The following PLGRKT variants were observed in gnomAD, a reference collection of about 807,000 sequenced individuals.
PLGRKT encodes plasminogen receptor (KT).
In PLGRKT, 22 loss-of-function variants were observed where a neutral mutation model predicts 18.5. The ratio of observed to expected loss-of-function variants is 1.19; its 90% CI spans 0.85 to 1.70. The LOEUF (loss-of-function observed/expected upper bound fraction) is 1.70, where lower values mean the gene tolerates loss of function less well. Among genes scored for constraint, PLGRKT ranks in the 40% most tolerant of loss-of-function variants. PLGRKT has a pLI of 0.00. For missense variants in PLGRKT, 235 were observed against 174.4 expected, an observed-to-expected ratio of 1.35 and a Z score of -1.96; for synonymous variants, 72 against 52.8, an observed-to-expected ratio of 1.36 and a Z score of -1.58.
In PLGRKT at chr9:5,418,690, C is replaced by T; in HGVS notation, c.81+13207G>A. 3 of 664,562 alleles carry T rather than the reference C, an allele frequency of 4.5e-6. No homozygotes were observed. The highest frequency in any genetic ancestry group is 2.5e-4 in the Middle Eastern group (1 of 3,942). The allele number at this position is 664,562 out of a possible 1,614,324, so 41.2% of individuals were successfully genotyped here. A position where few individuals can be genotyped will look rare whatever the true frequency, so the allele number is the denominator to read the frequency against. On this transcript the variant is annotated intron_variant, in intron 3 of 5. Transcript: ENST00000223864. This position sits in a 1 kb window ranked among gnomAD's most constrained non-coding sequence, Gnocchi z 4.2. Reference sequence around the variant, plus strand: ...GGGCAGGGGCAGCATGTAGCACCCACTGCCGGGAAGTCTGATGAAGACCGG... The same window carrying T: ...GGGCAGGGGCAGCATGTAGCACCCATTGCCGGGAAGTCTGATGAAGACCGG...
At chr9:5,375,260 C>A (rs367653815) in intron 3 of PLGRKT, among the ~76,000 whole-genome samples, 2 of 152,194 alleles carry the variant, frequency 1.3e-5, no homozygotes, top group South Asian at 2.1e-4. Context: ...TATTGACATG[C>A]GAGCTAAGAT....
At chr9:5,395,656 C>G (rs1818030349) in intron 3 of PLGRKT, among the ~76,000 whole-genome samples, 1 of 151,848 alleles carries the variant, frequency 6.6e-6, no homozygotes, top group Non-Finnish European at 1.5e-5. Context: ...ACTACTTGAT[C>G]TGGCATTTTC....
At chr9:5,395,557 A>G (rs1418217846) in intron 3 of PLGRKT, among the ~76,000 whole-genome samples, 1 of 151,966 alleles carries the variant, frequency 6.6e-6, no homozygotes, top group African/African-American at 2.4e-5. Flanking sequence ...CTCATGTAGC[A>G]GAAAGTAATA....
intron 3 of PLGRKT, among the ~76,000 whole-genome samples, chr9:5,389,718 A>C (rs1410617827): frequency 6.6e-6 from 1 of 151,934 alleles, no homozygotes; most frequent in Non-Finnish European, 1.5e-5. Flanking sequence ...AAATAAGTTC[A>C]TGAAGAAAAC....
rs1020002685 is a variant in PLGRKT at position 5,392,811 on chromosome 9, G to T, written c.82-30923C>A. Among the ~76,000 whole-genome samples the T allele has an allele frequency of 7.3e-5, 11 of 151,442 alleles. 2 individuals carry two copies. The highest frequency in any genetic ancestry group is 2.7e-4 in the African/African-American group (11 of 41,004). ...GCCCCTTTATTTAAATTTCCGGATT[G>T]ATTTTTATTTATTTACTTTATTTCA... On this transcript the variant is annotated intron_variant, in intron 3 of 5. Coordinates refer to ENST00000223864, the MANE Select transcript of PLGRKT (RefSeq NM_018465.4).
At chr9:5,432,598 G>C (rs937184181) in intron 2 of PLGRKT, among the ~76,000 whole-genome samples, 9 of 148,564 alleles carry the variant, frequency 6.1e-5, no homozygotes, top group African/African-American at 2.2e-4. Context: ...CTCTGGCTCC[G>C]GTGATTCTCC....
intron 2 of PLGRKT, among the ~76,000 whole-genome samples, chr9:5,433,053 G>A (rs555053838): frequency 6.6e-6 from 1 of 151,214 alleles, no homozygotes; most frequent in African/African-American, 2.4e-5. Flanking sequence ...GATGTGAGGA[G>A]GGCCTCTGCC....
Position 5,361,619 on chromosome 9 carries a change from G to T in PLGRKT, c.212+139C>A, listed in dbSNP as rs139452145. The T allele has an allele frequency of 3.2e-4, 233 of 726,574 alleles. 1 individual carries two copies. In the African/African-American group the frequency reaches 4.0e-3, roughly 13 times the overall value. 45.0% of individuals were successfully genotyped at this position (726,574 alleles called of 1,614,324 possible). ...CTTGCTTTCACAGAGTTACCCCCAA[G>T]GACTAAGGTTAATAGGTTACTTTGG... On this transcript the variant is annotated intron_variant, in intron 4 of 5. Coordinates refer to ENST00000223864, the MANE Select transcript of PLGRKT (RefSeq NM_018465.4).
chr9:5,414,688 G>T (rs1463947279), intron 3 of PLGRKT, among the ~76,000 whole-genome samples: 3 of 152,140 alleles, frequency 2.0e-5, no homozygotes, highest in Non-Finnish European at 4.4e-5. Context: ...AAGACAAAAG[G>T]AACATGCAAA....
chr9:5,419,978 C>T (rs1234518710), intron 3 of PLGRKT, among the ~76,000 whole-genome samples: 1 of 152,182 alleles, frequency 6.6e-6, no homozygotes, highest in East Asian at 1.9e-4. Context: ...ACCCAAATAT[C>T]CACCAACATA....
chr9:5,358,354 G>A lies in PLGRKT; in HGVS notation c.329C>T (p.Ala110Val), dbSNP rs1350956013. 6.2e-7 allele frequency: 1 copy of A among 1,612,636 alleles called. No individual in the cohort carries two copies. Among genetic ancestry groups the A allele is most frequent in the Non-Finnish European group, 8.5e-7 (1 of 1,179,138 alleles). The change falls in exon 6 of 6, where the codon GCT becomes GTT. Residue 110 changes from alanine to valine, a missense_variant. By Grantham distance (64) the Ala-to-Val change is moderately conservative. Coordinates refer to ENST00000223864, the MANE Select transcript of PLGRKT (RefSeq NM_018465.4). ...CTTTTCTGTTTCCAGTATGTCCTCA[G>A]CTTCACCTTAAATAAAGTACAGAAA... ...GTLLERMKGE[A>V]EDILETEKSK... is the part of the protein sequence containing the mutation.
chr9:5,413,646 G>T (rs1382652626), intron 3 of PLGRKT, among the ~76,000 whole-genome samples: 1 of 152,180 alleles, frequency 6.6e-6, no homozygotes, highest in Admixed American at 6.5e-5. Flanking sequence ...AGACCCTCCA[G>T]AAGAAATGCA....
intron 3 of PLGRKT, among the ~76,000 whole-genome samples, chr9:5,428,096 G>A (rs1316483003): frequency 5.3e-5 from 8 of 152,214 alleles, no homozygotes; most frequent in Admixed American, 2.6e-4. Flanking sequence ...CGTGGCGATG[G>A]CTGCTGAATC....
chr9:5,365,571 A>C (rs2131064281), intron 3 of PLGRKT, among the ~76,000 whole-genome samples: 1 of 152,306 alleles, frequency 6.6e-6, no homozygotes, highest in East Asian at 1.9e-4. Context: ...AGGGATGAAG[A>C]AGCTAAAGAG....
intron 5 of PLGRKT, among the ~76,000 whole-genome samples, chr9:5,360,654 G>A (rs536988985): frequency 1.9e-4 from 29 of 152,136 alleles, no homozygotes; most frequent in African/African-American, 7.0e-4. Flanking sequence ...ATTTTGTTTT[G>A]TCTGTGTATT....
Position 5,366,739 on chromosome 9 carries a change from G to A in PLGRKT, c.82-4851C>T, listed in dbSNP as rs546963567. On this transcript the variant is annotated intron_variant, in intron 3 of 5. Coordinates refer to ENST00000223864, the MANE Select transcript of PLGRKT (RefSeq NM_018465.4). ...ACTGCTATTCAATGTAGTACTGGAA[G>A]TCCTAGCCAGAGCAATCAGGCAAGA... 5.3e-5 allele frequency among the ~76,000 whole-genome samples: 8 copies of A among 152,216 alleles called. No individual in the cohort carries two copies. In the South Asian group the frequency reaches 1.2e-3, roughly 24 times the overall value.
intron 3 of PLGRKT, among the ~76,000 whole-genome samples, chr9:5,398,349 T>C (rs1818092364): frequency 1.3e-5 from 2 of 151,886 alleles, no homozygotes; most frequent in South Asian, 4.1e-4. Context: ...AGATGAAAAG[T>C]ACTTAATAGT....
At chr9:5,376,148 TAG>T (rs777592413) in intron 3 of PLGRKT, among the ~76,000 whole-genome samples, 1 of 152,112 alleles carries the variant, frequency 6.6e-6, no homozygotes, top group African/African-American at 2.4e-5. Context: ...GTCAAATTAA[TAG>T]AGAGAGACAG....
At chr9:5,361,321 T>A in intron 4 of PLGRKT, 134 bp from the exon 5 acceptor site, 1 of 593,982 alleles carries the variant, frequency 1.7e-6, no homozygotes, top group Non-Finnish European at 2.9e-6. Context: ...ACACATTTGA[T>A]AATTCTATGG....
Sources: allele counts gnomAD v4.1 joint callset (sites outside exome capture counted in the v4.1 genomes callset), GRCh38; gene constraint gnomAD v4.1.1; non-coding constraint Gnocchi (gnomAD v3.1); transcripts MANE v1.5; gene names NCBI Gene and HGNC (gene_info 2026-07-23, HGNC 2026-07-21).